Variants in EXT1 observed in about 807,000 individuals in gnomAD.
EXT1 encodes exostosin glycosyltransferase 1.
EXT1 carries 20 observed loss-of-function variants against 82.5 expected under a neutral mutation model. The ratio of observed to expected loss-of-function variants is 0.24; its 90% CI spans 0.17 to 0.35. The LOEUF is 0.35. EXT1 is among the 10% of genes least tolerant of loss of function. The probability of loss-of-function intolerance (pLI) is 1.00; values close to 1 mark genes in which losing one functional copy is unlikely to be tolerated. For missense variants in EXT1, 757 were observed against 936.5 expected (o/e 0.81, Z 2.50); for synonymous variants, 348 against 350.8 (o/e 0.99, Z 0.09).
chr8:117,916,323 A>G (rs1007872401), intron 1 of EXT1, among the ~76,000 whole-genome samples: 1 of 152,128 alleles, frequency 6.6e-6, no homozygotes, highest in Non-Finnish European at 1.5e-5. Context: ...GTGCATTTTT[A>G]GGTCAGAGTA....
intron 1 of EXT1, among the ~76,000 whole-genome samples, chr8:118,095,023 T>C (rs968936619): frequency 6.6e-6 from 1 of 152,218 alleles, no homozygotes; most frequent in African/African-American, 2.4e-5. Flanking sequence ...CATGCAGACA[T>C]ACATGTGCAT....
At chr8:117,840,236 G>A (rs1812251956) in intron 1 of EXT1, among the ~76,000 whole-genome samples, 1 of 152,108 alleles carries the variant, frequency 6.6e-6, no homozygotes, top group African/African-American at 2.4e-5. Context: ...CCTTACAGGA[G>A]CTTTACTCTG....
Position 117,945,893 on chromosome 8 carries a change from T to C in EXT1, c.963-108692A>G, listed in dbSNP as rs191414242. On this transcript the variant is annotated intron_variant, in intron 1 of 10. Coordinates refer to ENST00000378204, the MANE Select transcript of EXT1 (RefSeq NM_000127.3). The stretch of plus-strand genomic sequence containing the variant: ...ATCAATGTACAAGATTACTGTATTA[T>C]GTTTTGTTTTTGTTTTGTTTTGTTT... Among the ~76,000 whole-genome samples, 6 of 152,244 alleles carry C rather than the reference T, an allele frequency of 3.9e-5. No individual in the cohort carries two copies. In the East Asian group the frequency reaches 7.7e-4, roughly 20 times the overall value.
intron 4 of EXT1, among the ~76,000 whole-genome samples, chr8:117,828,960 C>T (rs1000988542): frequency 5.9e-5 from 9 of 152,200 alleles, no homozygotes; most frequent in East Asian, 5.8e-4. Flanking sequence ...AAGAAAACAG[C>T]GATGTGGACC....
intron 1 of EXT1, among the ~76,000 whole-genome samples, chr8:118,088,180 T>C (rs2129994168): frequency 6.6e-6 from 1 of 152,310 alleles, no homozygotes; most frequent in African/African-American, 2.4e-5. Context: ...AGGTCATTCA[T>C]GGACTCATCT....
chr8:117,875,660 T>G (rs186158220), intron 1 of EXT1, among the ~76,000 whole-genome samples: 29 of 152,248 alleles, frequency 1.9e-4, no homozygotes, highest in Admixed American at 1.2e-3. Flanking sequence ...TTCCACGGTA[T>G]TCAAGTTTCT....
chr8:117,806,688 A>G (rs1294878796), intron 9 of EXT1, among the ~76,000 whole-genome samples: 1 of 152,108 alleles, frequency 6.6e-6, no homozygotes, highest in Middle Eastern at 3.2e-3. Context: ...CACCTGTGCA[A>G]TCAGAATCAC....
intron 1 of EXT1, among the ~76,000 whole-genome samples, chr8:118,102,327 G>C (rs1305875014): frequency 6.7e-6 from 1 of 149,882 alleles, no homozygotes; most frequent in East Asian, 1.9e-4. Context: ...ACAAACTCTG[G>C]TCCAACCATG....
intron 1 of EXT1, among the ~76,000 whole-genome samples, chr8:117,942,507 T>C (rs919519739): frequency 6.6e-6 from 1 of 151,656 alleles, no homozygotes; most frequent in Non-Finnish European, 1.5e-5. Flanking sequence ...AGGTCGGGAG[T>C]TCCAGACCAG....
chr8:117,919,771 T>C (rs1490523141), intron 1 of EXT1, among the ~76,000 whole-genome samples: 1 of 152,126 alleles, frequency 6.6e-6, no homozygotes, highest in Non-Finnish European at 1.5e-5. Flanking sequence ...CCCAAAGTGC[T>C]GCAATTAAAG....
chr8:118,063,464 G>T (rs768851192), intron 1 of EXT1, among the ~76,000 whole-genome samples: 1 of 152,156 alleles, frequency 6.6e-6, no homozygotes, highest in Non-Finnish European at 1.5e-5. Flanking sequence ...TGCCAACTGC[G>T]AGTCACACAA....
intron 1 of EXT1, among the ~76,000 whole-genome samples, chr8:117,876,023 C>T (rs1286882606): frequency 6.6e-6 from 1 of 152,226 alleles, no homozygotes; most frequent in Non-Finnish European, 1.5e-5. Context: ...AACAAATATT[C>T]TGAGCACCTA....
intron 1 of EXT1, among the ~76,000 whole-genome samples, chr8:117,913,919 T>G (rs879783468): frequency 6.6e-6 from 1 of 152,208 alleles, no homozygotes; most frequent in Non-Finnish European, 1.5e-5. Context: ...ACCTCAGGAC[T>G]TGAACTTTGG....
At chr8:117,857,909 G>A (rs996119012) in intron 1 of EXT1, among the ~76,000 whole-genome samples, 2 of 152,168 alleles carry the variant, frequency 1.3e-5, no homozygotes, top group Non-Finnish European at 2.9e-5. Context: ...ATTAACAGGA[G>A]TTTGGAAGAA....
Position 117,980,697 on chromosome 8 carries a change from G to GTTTTTTTTTTTTTTT in EXT1, c.962+129387_962+129388insAAAAAAAAAAAAAAA, listed in dbSNP as rs1491146564. Among the ~76,000 whole-genome samples, 3 of 27,584 alleles carry GTTTTTTTTTTTTTTT rather than the reference G, an allele frequency of 1.1e-4. 1 individual carries two copies. The highest frequency in any genetic ancestry group is 5.9e-5 in the Non-Finnish European group (1 of 16,976). The allele number at this position is 27,584 out of a possible 152,430, so 18.1% of individuals were successfully genotyped here. ...AAGGTTTGTTTGTTCGGGTGTTGGT[G>GTTTTTTTTTTTTTTT]GTTTTTTTTTTTTTTTTTTTTTTTT... On this transcript the variant is annotated intron_variant, in intron 1 of 10. Coordinates refer to ENST00000378204, the MANE Select transcript of EXT1 (RefSeq NM_000127.3).
intron 1 of EXT1, among the ~76,000 whole-genome samples, chr8:117,859,641 C>A (rs1009212029): frequency 4.6e-5 from 7 of 152,188 alleles, no homozygotes; most frequent in African/African-American, 1.4e-4. Flanking sequence ...TGAAATGTGT[C>A]CAGTAACCTT....
intron 1 of EXT1, among the ~76,000 whole-genome samples, chr8:117,855,660 A>G (rs1252521050): frequency 6.6e-6 from 1 of 152,140 alleles, no homozygotes; most frequent in African/African-American, 2.4e-5. Context: ...GAAGAGTCAC[A>G]CGTCTCTCAC....
At chr8:117,892,300 A>G (rs1443039938) in intron 1 of EXT1, among the ~76,000 whole-genome samples, 1 of 152,256 alleles carries the variant, frequency 6.6e-6, no homozygotes, top group African/African-American at 2.4e-5. Context: ...GCATTCACCT[A>G]GGACAATGCC....
intron 10 of EXT1, among the ~76,000 whole-genome samples, chr8:117,802,607 A>G (rs1290139905): frequency 6.6e-6 from 1 of 152,222 alleles, no homozygotes; most frequent in Non-Finnish European, 1.5e-5. Flanking sequence ...TACACTTGAT[A>G]ATGTTTGGAT....
Sources: allele counts gnomAD v4.1 joint callset (sites outside exome capture counted in the v4.1 genomes callset), GRCh38; gene constraint gnomAD v4.1.1; transcripts MANE v1.5; gene names NCBI Gene and HGNC (gene_info 2026-07-23, HGNC 2026-07-21).